The following NREP variants were observed in gnomAD, a reference collection of about 807,000 sequenced individuals.
NREP encodes neuronal regeneration-related protein.
A neutral mutation model predicts 8.6 loss-of-function variants in NREP; 5 were observed. That is an observed-to-expected ratio of 0.58 (90% CI 0.30 to 1.22). The LOEUF (loss-of-function observed/expected upper bound fraction) is 1.22. Among genes scored for constraint, NREP ranks in the 50% most tolerant of loss-of-function variants. The probability of loss-of-function intolerance (pLI) is 0.07; values close to 1 mark genes in which losing one functional copy is unlikely to be tolerated. For missense variants in NREP, 86 were observed against 82.5 expected (o/e 1.04, Z -0.17); for synonymous variants, 27 against 28.0 (o/e 0.96, Z 0.11).
At chr5:111,849,736 C>G (rs1215535729) in intron 2 of NREP, among the ~76,000 whole-genome samples, 1 of 150,630 alleles carries the variant, frequency 6.6e-6, no homozygotes, top group Non-Finnish European at 1.5e-5. Flanking sequence ...GGGCACATAG[C>G]TGCCCAGCTG....
chr5:111,794,854 T>G (rs1001341414), intron 2 of NREP, among the ~76,000 whole-genome samples: 1 of 152,150 alleles, frequency 6.6e-6, no homozygotes, highest in East Asian at 1.9e-4. Context: ...TGTGTCAGTG[T>G]AGGTTCATCA....
At chr5:111,954,289 G>C (rs946491907) in intron 2 of NREP, among the ~76,000 whole-genome samples, 3 of 152,088 alleles carry the variant, frequency 2.0e-5, no homozygotes, top group African/African-American at 7.2e-5. Context: ...TAAAATTACA[G>C]GGAAGCAGAT....
intron 2 of NREP, among the ~76,000 whole-genome samples, chr5:111,840,403 AT>A (rs1753001469): frequency 1.3e-5 from 2 of 152,120 alleles, no homozygotes; most frequent in South Asian, 4.1e-4. Flanking sequence ...TACCATAGCC[AT>A]TATGCGACCA....
intron 2 of NREP, among the ~76,000 whole-genome samples, chr5:111,829,774 C>G (rs565786514): frequency 6.6e-6 from 1 of 152,162 alleles, no homozygotes; most frequent in Non-Finnish European, 1.5e-5. Flanking sequence ...GACAGGAGAT[C>G]TAGACATTGA....
At chr5:111,808,720 T>C (rs1752200120) in intron 2 of NREP, among the ~76,000 whole-genome samples, 2 of 152,190 alleles carry the variant, frequency 1.3e-5, no homozygotes, top group South Asian at 4.1e-4. Flanking sequence ...CCAGCCATGT[T>C]TGGGTAACCC....
intron 2 of NREP, among the ~76,000 whole-genome samples, chr5:111,890,118 TG>T (rs1278787217): frequency 6.6e-6 from 1 of 152,182 alleles, no homozygotes. Context: ...GTACAATCAT[TG>T]GTAAGCATTC....
Position 111,729,717 on chromosome 5 carries a change from T to A in NREP, c.*1204A>T, listed in dbSNP as rs1489541588. The stretch of plus-strand genomic sequence containing the variant: ...GACTGGCTAACACAACAACATTCCA[T>A]GAGTAGATGGTAATTTATTTTTGTT... On this transcript the variant is annotated 3_prime_UTR_variant, in exon 4 of 4. Transcript: ENST00000257435. 6.6e-6 allele frequency: 1 copy of A among 152,628 alleles called. No homozygotes were observed. Among genetic ancestry groups the A allele is most frequent in the Non-Finnish European group, 1.5e-5 (1 of 68,038 alleles). The allele number at this position is 152,628 out of a possible 1,614,324, so 9.5% of individuals were successfully genotyped here.
At chr5:111,844,122 TA>T (rs1753099398) in intron 2 of NREP, among the ~76,000 whole-genome samples, 1 of 152,148 alleles carries the variant, frequency 6.6e-6, no homozygotes, top group African/African-American at 2.4e-5. Context: ...GATTTACATA[TA>T]AAATATATGT....
rs145694719 is a variant in NREP at position 111,917,539 on chromosome 5, G to A, written c.135+57735C>T. Among the ~76,000 whole-genome samples the A allele has an allele frequency of 8.3e-3, 1,265 of 152,248 alleles. 14 individuals carry two copies. Among genetic ancestry groups the A allele is most frequent in the Middle Eastern group, 0.01 (3 of 294 alleles). On this transcript the variant is annotated intron_variant, in intron 2 of 3. Coordinates refer to the NREP transcript ENST00000395634. Reference sequence around the variant, plus strand: ...ATCAAGTCAGCTTCCTCCCTGGGATGCAAGTCTTATTCAACACACAGAAAT... The same window carrying A: ...ATCAAGTCAGCTTCCTCCCTGGGATACAAGTCTTATTCAACACACAGAAAT...
At chr5:111,929,151 ATTCT>A (rs1755470816) in intron 2 of NREP, among the ~76,000 whole-genome samples, 2 of 152,154 alleles carry the variant, frequency 1.3e-5, no homozygotes, top group East Asian at 3.9e-4. Flanking sequence ...TACACATTGA[ATTCT>A]ACTGTCTTTT....
chr5:111,869,641 AG>A (rs1753742276), intron 2 of NREP, among the ~76,000 whole-genome samples: 1 of 152,146 alleles, frequency 6.6e-6, no homozygotes, highest in Admixed American at 6.5e-5. Context: ...TCATGTGGAG[AG>A]AAAGAAAACG....
At chr5:111,886,157 C>G (rs1434034253) in intron 2 of NREP, among the ~76,000 whole-genome samples, 2 of 152,058 alleles carry the variant, frequency 1.3e-5, no homozygotes, top group Admixed American at 6.6e-5. Flanking sequence ...AAAAAGTGGG[C>G]AAAGGACATG....
intron 2 of NREP, among the ~76,000 whole-genome samples, chr5:111,909,449 T>A (rs1389791395): frequency 2.6e-5 from 4 of 152,076 alleles, no homozygotes; most frequent in African/African-American, 9.7e-5. Flanking sequence ...GATTATTTAA[T>A]CAAGGGATTT....
intron 2 of NREP, chr5:111,846,445 T>TTTTTTTTTTTTTTAG (rs1753176561): frequency 1.0e-5 from 1 of 97,408 alleles, no homozygotes; most frequent in Non-Finnish European, 2.1e-5. Context: ...TTTTTTTTTT[T>TTTTTTTTTTTTTTAG]GTCTAAAGGT....
intron 2 of NREP, among the ~76,000 whole-genome samples, chr5:111,883,593 T>A (rs572387432): frequency 6.6e-6 from 1 of 152,220 alleles, no homozygotes; most frequent in Admixed American, 6.5e-5. Flanking sequence ...CCTCAGCAAA[T>A]GTAAAAGATC....
intron 2 of NREP, among the ~76,000 whole-genome samples, chr5:111,921,228 T>A (rs1335994847): frequency 6.6e-6 from 1 of 152,106 alleles, no homozygotes; most frequent in African/African-American, 2.4e-5. Flanking sequence ...AGCAACAACT[T>A]GTCTAGCTAC....
chr5:111,766,638 A>C (rs1459542448), intron 2 of NREP, among the ~76,000 whole-genome samples: 1 of 152,282 alleles, frequency 6.6e-6, no homozygotes, highest in South Asian at 2.1e-4. Flanking sequence ...CCCTTTGTCA[A>C]CTAGGCCATC....
intron 2 of NREP, among the ~76,000 whole-genome samples, chr5:111,789,572 G>A (rs1179363124): frequency 3.3e-5 from 5 of 152,126 alleles, no homozygotes; most frequent in Non-Finnish European, 7.4e-5. Context: ...ATATGCCACT[G>A]TTTGCTCTTA....
upstream of NREP, among the ~76,000 whole-genome samples, chr5:111,762,630 T>C (rs1043113797): frequency 2.0e-5 from 3 of 152,100 alleles, no homozygotes; most frequent in African/African-American, 7.2e-5. Flanking sequence ...CACAGACACA[T>C]ACATAGGGAA....
Sources: allele counts gnomAD v4.1 joint callset (sites outside exome capture counted in the v4.1 genomes callset), GRCh38; gene constraint gnomAD v4.1.1; transcripts MANE v1.5; gene names NCBI Gene and HGNC (gene_info 2026-07-23, HGNC 2026-07-21).